Variants in IRAK2 observed in about 807,000 individuals in gnomAD.
IRAK2 encodes interleukin-1 receptor-associated kinase-like 2.
A neutral mutation model predicts 72.0 loss-of-function variants in IRAK2; 57 were observed. The ratio of observed to expected loss-of-function variants is 0.79; its 90% CI spans 0.64 to 0.99. IRAK2 has a LOEUF of 0.99. Among genes scored for constraint, IRAK2 ranks in the 50% least tolerant of loss-of-function variants. IRAK2 has a pLI of 0.00. For synonymous variants in IRAK2, 293 were observed against 312.7 expected, an observed-to-expected ratio of 0.94 and a Z score of 0.67; for missense variants, 790 against 794.4, an observed-to-expected ratio of 0.99 and a Z score of 0.07.
chr3:10,213,878 C>A (rs1202640011), intron 6 of IRAK2, among the ~76,000 whole-genome samples: 2 of 151,900 alleles, frequency 1.3e-5, no homozygotes, highest in East Asian at 1.9e-4. Context: ...TACTCCAACT[C>A]CTTCCTTCCA....
chr3:10,192,380 C>T (rs950955155), intron 2 of IRAK2, among the ~76,000 whole-genome samples: 1 of 152,174 alleles, frequency 6.6e-6, no homozygotes, highest in African/African-American at 2.4e-5. Context: ...GATTTGCCAC[C>T]GTGTGAAATG....
intron 2 of IRAK2, among the ~76,000 whole-genome samples, chr3:10,181,853 C>T (rs1236586261): frequency 3.9e-5 from 6 of 152,206 alleles, no homozygotes; most frequent in Non-Finnish European, 8.8e-5. Flanking sequence ...TAATCCTCTT[C>T]ACTTTTCCTT....
chr3:10,195,797 C>T (rs760842786), intron 2 of IRAK2, among the ~76,000 whole-genome samples: 70 of 152,238 alleles, frequency 4.6e-4, no homozygotes, highest in Admixed American at 9.2e-4. Context: ...CGAGCCCAGC[C>T]GGCCCTGAGC....
At chr3:10,236,792 G>A (rs917345450) in intron 11 of IRAK2, among the ~76,000 whole-genome samples, 1 of 152,188 alleles carries the variant, frequency 6.6e-6, no homozygotes, top group Admixed American at 6.5e-5. Flanking sequence ...TTAAGGTGCA[G>A]GTGAAACTGC....
intron 2 of IRAK2, among the ~76,000 whole-genome samples, chr3:10,199,884 CTTT>C (rs145377518): frequency 8.1e-6 from 1 of 124,102 alleles, no homozygotes; most frequent in Admixed American, 8.0e-5. Flanking sequence ...AGCCACTGCT[CTTT>C]TTTTTTTTTT....
chr3:10,206,764 C>T (rs1697439487), intron 3 of IRAK2, among the ~76,000 whole-genome samples: 1 of 152,144 alleles, frequency 6.6e-6, no homozygotes, highest in African/African-American at 2.4e-5. Context: ...CCATGTTGAC[C>T]AGACTGGTCT....
At chr3:10,233,617 T>C (rs1396135532) in intron 10 of IRAK2, among the ~76,000 whole-genome samples, 1 of 152,188 alleles carries the variant, frequency 6.6e-6, no homozygotes, top group African/African-American at 2.4e-5. Flanking sequence ...TCTCCTGTTA[T>C]GTATATAGGT....
At chr3:10,208,512 C>G (rs1269269682) in intron 3 of IRAK2, among the ~76,000 whole-genome samples, 1 of 151,830 alleles carries the variant, frequency 6.6e-6, no homozygotes, top group Non-Finnish European at 1.5e-5. Flanking sequence ...GCCTGTAATC[C>G]CAGCACTTTG....
At chr3:10,231,210 A>G (rs1422691260) in intron 10 of IRAK2, among the ~76,000 whole-genome samples, 14 of 152,228 alleles carry the variant, frequency 9.2e-5, no homozygotes. Context: ...AAATAATATA[A>G]TCCAAACTAT....
chr3:10,212,763 CT>C (rs543464447), intron 4 of IRAK2, among the ~76,000 whole-genome samples: 156 of 125,950 alleles, frequency 1.2e-3, no homozygotes, highest in East Asian at 5.2e-3. Flanking sequence ...TATCCATGTC[CT>C]TTTTTTTTTT....
At chr3:10,241,390 T>G (rs1222491045) in intron 12 of IRAK2, among the ~76,000 whole-genome samples, 2 of 151,336 alleles carry the variant, frequency 1.3e-5, no homozygotes, top group African/African-American at 4.9e-5. Flanking sequence ...AAACCCCGTC[T>G]CTACTAAAAA....
intron 9 of IRAK2, 103 bp from the exon 10 acceptor site, chr3:10,226,268 A>G: frequency 2.3e-6 from 2 of 866,440 alleles, no homozygotes; most frequent in Non-Finnish European, 3.6e-6. Flanking sequence ...GCAATGGCAG[A>G]GCTGCACCTG....
At chr3:10,184,677 G>A (rs1340672927) in intron 2 of IRAK2, among the ~76,000 whole-genome samples, 2 of 150,650 alleles carry the variant, frequency 1.3e-5, no homozygotes, top group African/African-American at 2.5e-5. Context: ...TGGCAGAGGA[G>A]CAATTGTAAA....
At chr3:10,225,815 C>T (rs1697766265) in intron 9 of IRAK2, among the ~76,000 whole-genome samples, 1 of 151,936 alleles carries the variant, frequency 6.6e-6, no homozygotes, top group African/African-American at 2.4e-5. Context: ...TCTCCTGCCT[C>T]AGCCTCCCAA....
At chr3:10,165,721 ATTTTTTTTTTTTT>A (rs34176794) in intron 1 of IRAK2, among the ~76,000 whole-genome samples, 5 of 76,776 alleles carry the variant, frequency 6.5e-5, no homozygotes, top group East Asian at 8.1e-4. Context: ...GTCTTGAACT[ATTTTTTTTTTTTT>A]TTTTTTTTTT....
intron 1 of IRAK2, among the ~76,000 whole-genome samples, chr3:10,177,377 T>TA (rs1696892478): frequency 6.6e-6 from 1 of 152,126 alleles, no homozygotes; most frequent in African/African-American, 2.4e-5. Flanking sequence ...TTTCCTTCCC[T>TA]AGGTGCCTCA....
chr3:10,184,776 C>T (rs1470260493), intron 2 of IRAK2, among the ~76,000 whole-genome samples: 3 of 135,632 alleles, frequency 2.2e-5, no homozygotes, highest in East Asian at 2.3e-4. Flanking sequence ...GTCGCCCAGG[C>T]TGGAGTGCAG....
intron 11 of IRAK2, among the ~76,000 whole-genome samples, chr3:10,236,573 C>T (rs1697964525): frequency 6.6e-6 from 1 of 152,004 alleles, no homozygotes; most frequent in South Asian, 2.1e-4. Flanking sequence ...GTCTCGAACT[C>T]CTGACCTCAG....
chr3:10,186,430 C>T (rs1028832539), intron 2 of IRAK2, among the ~76,000 whole-genome samples: 3 of 151,654 alleles, frequency 2.0e-5, no homozygotes, highest in African/African-American at 4.9e-5. Context: ...AATTCTCAGC[C>T]CTGAAGTGTT....
Sources: gnomAD v4.1 joint callset for allele counts (sites outside exome capture counted in the v4.1 genomes callset) on GRCh38, gnomAD v4.1.1 for gene constraint, MANE v1.5 for transcripts, NCBI Gene and HGNC (gene_info 2026-07-23, HGNC 2026-07-21) for gene names.